Variants in NUP62 observed in about 807,000 individuals in gnomAD.
NUP62 encodes the protein nuclear pore glycoprotein p62.
For synonymous variants in NUP62, 305 were observed against 303.4 expected, an observed-to-expected ratio of 1.01 and a Z score of -0.05; for missense variants, 647 against 689.4, an observed-to-expected ratio of 0.94 and a Z score of 0.69.
intron 2 of NUP62, among the ~76,000 whole-genome samples, chr19:49,914,738 T>TTTG (rs2075579559): frequency 8.6e-6 from 1 of 116,642 alleles, no homozygotes; most frequent in Non-Finnish European, 1.7e-5. Flanking sequence ...TTTTTTTTTT[T>TTTG]TTTTTTTTTT....
Position 49,908,976 on chromosome 19 carries a change from T to TGGCGGTGGC in NUP62, c.823_831dup (p.Ala275_Ala277dup). 1 of 1,609,174 alleles carries TGGCGGTGGC rather than the reference T, an allele frequency of 6.2e-7. No homozygotes were observed. The highest frequency in any genetic ancestry group is 1.1e-5 in the South Asian group (1 of 90,954). The stretch of plus-strand genomic sequence containing the variant: ...CTGCTGCTGCTGGTGGTGGTGGCGG[T>TGGCGGTGGC]GGCGGTGGCAGCGGTGGATGTTGTT... On this transcript the variant is annotated inframe_insertion, in exon 3 of 3. Transcript: ENST00000352066.
intron 2 of NUP62, among the ~76,000 whole-genome samples, chr19:49,913,589 C>CCG (rs2075539773): frequency 6.6e-6 from 1 of 152,264 alleles, no homozygotes; most frequent in Non-Finnish European, 1.5e-5. Flanking sequence ...TGAGCACTGT[C>CCG]CGCGGGACTC....
At chr19:49,925,428 C>A (rs1000119806) in intron 2 of NUP62, among the ~76,000 whole-genome samples, 4 of 144,738 alleles carry the variant, frequency 2.8e-5, no homozygotes, top group East Asian at 2.1e-4. Flanking sequence ...GACCCTCCCC[C>A]CCATCTCTAC....
chr19:49,912,166 CT>C (rs60350799), intron 2 of NUP62, among the ~76,000 whole-genome samples: 28,671 of 114,934 alleles, frequency 0.25, 1,858 homozygotes, highest in East Asian at 0.34. Context: ...AACAGTTCAC[CT>C]TTTTTTTTTT....
chr19:49,915,114 C>T (rs184553231), intron 2 of NUP62, among the ~76,000 whole-genome samples: 6 of 151,736 alleles, frequency 4.0e-5, no homozygotes, highest in South Asian at 2.1e-4. Flanking sequence ...CAGCTTTGGA[C>T]CAAAAGGAAA....
chr19:49,920,713 C>T (rs545760363), intron 2 of NUP62, among the ~76,000 whole-genome samples: 2 of 152,286 alleles, frequency 1.3e-5, no homozygotes, highest in South Asian at 4.1e-4. Context: ...TGAGAACAGG[C>T]TGGGGAAGAG....
Position 49,907,379 on chromosome 19 carries a change from T to C in NUP62, c.*860A>G. The C allele has an allele frequency of 5.8e-6, 2 of 343,902 alleles. No homozygotes were observed. The highest frequency in any genetic ancestry group is 5.6e-6 in the Non-Finnish European group (1 of 179,388). The allele number at this position is 343,902 out of a possible 1,614,324, so 21.3% of individuals were successfully genotyped here. A position where few individuals can be genotyped will look rare whatever the true frequency, so the allele number is the denominator to read the frequency against. ...GCCCATCTGTGGTTCCTCAACACCC[T>C]GTGTGTGCAGGCCCCTCAGCTGACC... On this transcript the variant is annotated 3_prime_UTR_variant, in exon 3 of 3. Coordinates refer to ENST00000352066, the MANE Select transcript of NUP62 (RefSeq NM_016553.5).
intron 2 of NUP62, among the ~76,000 whole-genome samples, chr19:49,926,921 T>C (rs553063515): frequency 4.0e-5 from 6 of 150,262 alleles, no homozygotes; most frequent in Non-Finnish European, 7.4e-5. Context: ...GGTGGCACAA[T>C]CTCGGCTTAC....
chr19:49,921,190 T>C lies in NUP62; in HGVS notation c.-78+6504A>G, dbSNP rs956041789. On this transcript the variant is annotated intron_variant, in intron 2 of 2. Transcript: ENST00000352066. This position sits in a 1 kb window ranked among gnomAD's most constrained non-coding sequence, Gnocchi z 5.4. ...CCAGCAATGTGACGAAGCGAAACTA[T>C]CATGGCTCCCATTTATAAATGAGCA... Among the ~76,000 whole-genome samples the C allele has an allele frequency of 3.9e-5, 6 of 152,112 alleles. No homozygotes were observed. Among genetic ancestry groups the C allele is most frequent in the African/African-American group, 1.4e-4 (6 of 41,406 alleles).
chr19:49,928,788 T>C (rs2075979005), intron 1 of NUP62: 1 of 152,242 alleles, frequency 6.6e-6, no homozygotes, highest in South Asian at 2.1e-4. Context: ...AAGTGAAAAG[T>C]GACTGGCAGG....
At chr19:49,916,456 T>C (rs1229363956) in intron 2 of NUP62, among the ~76,000 whole-genome samples, 7 of 151,112 alleles carry the variant, frequency 4.6e-5, no homozygotes, top group African/African-American at 1.7e-4. Context: ...CGGTATCTTT[T>C]GTATTTTTGT....
chr19:49,922,082 A>C (rs1053536201), intron 2 of NUP62, among the ~76,000 whole-genome samples: 3 of 152,162 alleles, frequency 2.0e-5, no homozygotes, highest in Non-Finnish European at 4.4e-5. Flanking sequence ...AGAAACGACC[A>C]AACACCCCTC....
At chr19:49,914,503 TGCCC>T (rs1023810458) in intron 2 of NUP62, among the ~76,000 whole-genome samples, 34 of 152,220 alleles carry the variant, frequency 2.2e-4, no homozygotes, top group African/African-American at 7.5e-4. Context: ...CCTGCCTGCC[TGCCC>T]CAACATTTAC....
At chr19:49,926,425 A>C (rs998831325) in intron 2 of NUP62, among the ~76,000 whole-genome samples, 32 of 150,660 alleles carry the variant, frequency 2.1e-4, no homozygotes, top group African/African-American at 7.1e-4. Flanking sequence ...AGCTACTTGG[A>C]AGGCTGAGGC....
At position 49,909,861 on chromosome 19, in the gene NUP62, G is replaced by A; in HGVS notation, c.-54C>T. On this transcript the variant is annotated 5_prime_UTR_variant, in exon 3 of 3. Coordinates refer to ENST00000352066, the MANE Select transcript of NUP62 (RefSeq NM_016553.5). ...TCTGGCTCCCAAAGCAAATCCGTCG[G>A]TGTCTGCAGCCTTGGGAAGATTTCT... 3 of 1,575,450 alleles carry A rather than the reference G, an allele frequency of 1.9e-6. No homozygotes were observed. The highest frequency in any genetic ancestry group is 2.2e-5 in the South Asian group (2 of 89,900).
Position 49,907,099 on chromosome 19 carries a change from C to CCGGGCT in NUP62, c.*1139_*1140insAGCCCG, listed in dbSNP as rs2075337724. On this transcript the variant is annotated 3_prime_UTR_variant, in exon 3 of 3. Transcript: ENST00000352066. The stretch of plus-strand genomic sequence containing the variant: ...TTGTTCTTTCATTTAACAAATGTGA[C>CCGGGCT]AGGGACCGGGCTGGGGACACACGGG... 1.3e-5 allele frequency: 2 copies of CCGGGCT among 156,582 alleles called. No individual in the cohort carries two copies. Among genetic ancestry groups the CCGGGCT allele is most frequent in the African/African-American group, 2.4e-5 (1 of 41,466 alleles). The allele number at this position is 156,582 out of a possible 1,614,324, so 9.7% of individuals were successfully genotyped here. A position where few individuals can be genotyped will look rare whatever the true frequency, so the allele number is the denominator to read the frequency against.
chr19:49,920,142 G>GC (rs1221138620), intron 2 of NUP62, among the ~76,000 whole-genome samples: 1 of 152,044 alleles, frequency 6.6e-6, no homozygotes, highest in African/African-American at 2.4e-5. Flanking sequence ...GAGTGCAGTG[G>GC]CGTGATCTCA....
At chr19:49,919,323 G>A (rs981958976) in intron 2 of NUP62, among the ~76,000 whole-genome samples, 4 of 152,202 alleles carry the variant, frequency 2.6e-5, no homozygotes, top group African/African-American at 7.2e-5. Flanking sequence ...CTTGCTGTGC[G>A]TTTAAACAAA....
rs191069827 is a variant in NUP62, at chr19:49,907,809, T to C, written c.*430A>G. ...CCTTGGCCACCCAAAGTGCTGAGAT[T>C]ACAGGGGTGAGCCACTGCGCCCTGA... is the stretch of plus-strand genomic sequence containing the variant. On this transcript the variant is annotated 3_prime_UTR_variant, in exon 3 of 3. Coordinates refer to ENST00000352066, the MANE Select transcript of NUP62 (RefSeq NM_016553.5). 34 of 336,282 alleles carry C rather than the reference T, an allele frequency of 1.0e-4. No homozygotes were observed. The highest frequency in any genetic ancestry group is 7.4e-4 in the African/African-American group (34 of 46,092). 20.8% of individuals were successfully genotyped at this position (336,282 alleles called of 1,614,324 possible).
Sources: gnomAD v4.1 joint callset for allele counts (sites outside exome capture counted in the v4.1 genomes callset) on GRCh38, gnomAD v4.1.1 for gene constraint, Gnocchi (gnomAD v3.1) non-coding constraint, MANE v1.5 for transcripts, NCBI Gene and HGNC (gene_info 2026-07-23, HGNC 2026-07-21) for gene names.